MGAT5: variants seen among roughly 807,000 people sequenced by gnomAD.
MGAT5 encodes the protein alpha-1,6-mannosylglycoprotein 6-beta-N-acetylglucosaminyltransferase A.
Under a neutral mutation model 94.3 loss-of-function variants are expected in MGAT5, and 30 were observed. The ratio of observed to expected loss-of-function variants is 0.32; its 90% CI spans 0.24 to 0.43. The LOEUF (loss-of-function observed/expected upper bound fraction) is 0.43, where lower values mean the gene tolerates loss of function less well. Among genes scored for constraint, MGAT5 ranks in the 20% least tolerant of loss-of-function variants. The pLI is 1.00. For synonymous variants in MGAT5, 310 were observed against 322.9 expected, an observed-to-expected ratio of 0.96 and a Z score of 0.43; for missense variants, 691 against 905.5, an observed-to-expected ratio of 0.76 and a Z score of 3.04.
Position 134,403,181 on chromosome 2 carries a change from G to C in MGAT5, c.1530+44G>C, listed in dbSNP as rs112395455. The C allele has an allele frequency of 2.0e-3, 3,093 of 1,551,798 alleles. 65 individuals are homozygous for C. The African/African-American group carries it at 0.038, about 19-fold the overall frequency. Reference sequence around the variant, plus strand: ...TGTGGTGTTCAGGTTATTGCCATTGGCTGTGAAAATGGGATCAGAATATTT... The same window carrying C: ...TGTGGTGTTCAGGTTATTGCCATTGCCTGTGAAAATGGGATCAGAATATTT... On this transcript the variant is annotated intron_variant, in intron 11 of 15. Transcript: ENST00000281923.
chr2:134,142,982 T>C (rs1033968092), intron 1 of MGAT5, among the ~76,000 whole-genome samples: 1 of 151,678 alleles, frequency 6.6e-6, no homozygotes, highest in African/African-American at 2.4e-5. Context: ...TGTTCCGAGA[T>C]TTTAGAGATA....
chr2:134,292,573 C>T (rs1685441243), intron 2 of MGAT5, among the ~76,000 whole-genome samples: 1 of 152,136 alleles, frequency 6.6e-6, no homozygotes, highest in Non-Finnish European at 1.5e-5. Context: ...TTGGATTTTC[C>T]TTAAGGTCTT....
At chr2:134,125,197 G>T (rs1327842493) in intron 1 of MGAT5, among the ~76,000 whole-genome samples, 1 of 152,074 alleles carries the variant, frequency 6.6e-6, no homozygotes. Flanking sequence ...TGCTTCTTTT[G>T]TACTACAGGT....
chr2:134,183,978 T>G (rs1688876073), intron 1 of MGAT5, among the ~76,000 whole-genome samples: 2 of 152,358 alleles, frequency 1.3e-5, no homozygotes, highest in African/African-American at 4.8e-5. Context: ...GTAAAGTTGC[T>G]TTTTTAGCTC....
chr2:134,362,427 G>GTC lies in MGAT5; in HGVS notation c.1380+29_1380+30dup, dbSNP rs762224081. ...CTGGAAGGTGAGTCAGTCTGTGCGT[G>GTC]TCTCTCTCTCTGAAAAGAAGCTTGT... On this transcript the variant is annotated intron_variant, in intron 10 of 15. Transcript: ENST00000281923. 8 of 1,606,266 alleles carry GTC rather than the reference G, an allele frequency of 5.0e-6. No individual in the cohort carries two copies. The highest frequency in any genetic ancestry group is 1.7e-5 in the Admixed American group (1 of 58,010).
Position 134,297,112 on chromosome 2 carries a change from A to G in MGAT5, c.407-20417A>G, listed in dbSNP as rs185988581. Among the ~76,000 whole-genome samples the G allele has an allele frequency of 7.6e-3, 1,135 of 150,220 alleles. 12 individuals are homozygous for G. The highest frequency in any genetic ancestry group is 0.027 in the African/African-American group (1,085 of 40,802). On this transcript the variant is annotated intron_variant, in intron 2 of 15. Transcript: ENST00000281923. ...CTTGGGAGGCTGAGGTGGGAGAATC[A>G]CTTGAGCCCAGGAGATTAAGATTGC...
At position 134,189,602 on chromosome 2, in the gene MGAT5, G is replaced by GTTTTGTTTTGTTTTTT. The variant is rs1553490380; in HGVS notation, c.-142-64656_-142-64655insGTTTTGTTTTTTTTTT. On this transcript the variant is annotated intron_variant, in intron 1 of 16. Coordinates refer to the MGAT5 transcript ENST00000409645. Reference sequence around the variant, plus strand: ...AACCTCATGGCTCTAGTTTTTTTTTGTTTTTTTTTTTTTTTTTTAAGACAG... The same window carrying GTTTTGTTTTGTTTTTT: ...AACCTCATGGCTCTAGTTTTTTTTTGTTTTGTTTTGTTTTTTTTTTTTTTTTTTTTTTTTAAGACAG... Among the ~76,000 whole-genome samples the GTTTTGTTTTGTTTTTT allele has an allele frequency of 4.3e-3, 362 of 84,638 alleles. 11 individuals are homozygous for GTTTTGTTTTGTTTTTT. Among genetic ancestry groups the GTTTTGTTTTGTTTTTT allele is most frequent in the Middle Eastern group, 0.017 (2 of 120 alleles). The allele number at this position is 84,638 out of a possible 152,430, so 55.5% of individuals were successfully genotyped here.
At chr2:134,187,700 C>T (rs1689115985) in intron 1 of MGAT5, among the ~76,000 whole-genome samples, 1 of 149,864 alleles carries the variant, frequency 6.7e-6, no homozygotes, top group Non-Finnish European at 1.5e-5. Flanking sequence ...TAGAATGTTG[C>T]TGCAGGCAGC....
chr2:134,443,829 A>G (rs932735569), intron 15 of MGAT5, among the ~76,000 whole-genome samples: 22 of 152,236 alleles, frequency 1.4e-4, no homozygotes. Context: ...CACTAGTTAC[A>G]GACTAGGGAC....
In MGAT5 at chr2:134,352,660, T is replaced by C. The variant is rs184771025; in HGVS notation, c.1246+2722T>C. On this transcript the variant is annotated intron_variant, in intron 9 of 15. Coordinates refer to ENST00000281923, the MANE Select transcript of MGAT5 (RefSeq NM_002410.5). ...GGGTGATGTCTCTTAATGTTCCCTATTTTGACTTTAGGACCATGTAAATGT... is the reference window on the plus strand; with the variant it reads ...GGGTGATGTCTCTTAATGTTCCCTACTTTGACTTTAGGACCATGTAAATGT... 2.4e-4 allele frequency among the ~76,000 whole-genome samples: 37 copies of C among 152,314 alleles called. 1 individual carries two copies. The East Asian group carries it at 6.9e-3, about 29-fold the overall frequency.
intron 15 of MGAT5, among the ~76,000 whole-genome samples, chr2:134,444,778 C>A (rs1685679598): frequency 2.0e-5 from 3 of 152,214 alleles, no homozygotes; most frequent in African/African-American, 7.2e-5. Flanking sequence ...TTGGAGTGTC[C>A]TGTGTTGTCT....
At chr2:134,243,442 T>G (rs986147090) in intron 1 of MGAT5, among the ~76,000 whole-genome samples, 1 of 152,120 alleles carries the variant, frequency 6.6e-6, no homozygotes, top group Non-Finnish European at 1.5e-5. Context: ...CTGACCCAAG[T>G]TATTTGCAGT....
chr2:134,339,384 A>G (rs1017445376), intron 6 of MGAT5, among the ~76,000 whole-genome samples: 5 of 152,202 alleles, frequency 3.3e-5, no homozygotes, highest in South Asian at 2.1e-4. Context: ...GAGGGAATTT[A>G]TATCTATGTA....
chr2:134,269,877 C>T (rs1683923077), intron 1 of MGAT5, among the ~76,000 whole-genome samples: 1 of 152,224 alleles, frequency 6.6e-6, no homozygotes, highest in African/African-American at 2.4e-5. Context: ...GGTTACCTAG[C>T]AGACCTGAAA....
intron 1 of MGAT5, among the ~76,000 whole-genome samples, chr2:134,164,726 G>A (rs538111687): frequency 6.6e-6 from 1 of 152,044 alleles, no homozygotes; most frequent in South Asian, 2.1e-4. Context: ...AAGATGAGAT[G>A]TGCTGAGACA....
chr2:134,132,860 A>G (rs924035085), intron 1 of MGAT5, among the ~76,000 whole-genome samples: 16 of 152,376 alleles, frequency 1.1e-4, no homozygotes, highest in African/African-American at 3.4e-4. Context: ...TTTACTTGGA[A>G]TCAACAATTA....
intron 1 of MGAT5, among the ~76,000 whole-genome samples, chr2:134,177,479 T>C (rs1392129198): frequency 2.6e-5 from 4 of 152,200 alleles, no homozygotes; most frequent in Admixed American, 6.5e-5. Flanking sequence ...TGGTCACCCC[T>C]GGCAGGGAAG....
intron 1 of MGAT5, among the ~76,000 whole-genome samples, chr2:134,259,100 C>T (rs563989405): frequency 3.9e-5 from 6 of 152,342 alleles, no homozygotes; most frequent in Admixed American, 1.3e-4. Context: ...CCGGGCAGCC[C>T]GTGTGGAACA....
At chr2:134,173,307 T>C (rs1213659775) in intron 1 of MGAT5, among the ~76,000 whole-genome samples, 1 of 152,200 alleles carries the variant, frequency 6.6e-6, no homozygotes, top group African/African-American at 2.4e-5. Flanking sequence ...ACTGGTTTAG[T>C]GCTGCCAGGT....
Sources: allele counts gnomAD v4.1 joint callset (sites outside exome capture counted in the v4.1 genomes callset), GRCh38; gene constraint gnomAD v4.1.1; transcripts MANE v1.5; gene names NCBI Gene and HGNC (gene_info 2026-07-23, HGNC 2026-07-21).